LRMDA: variants seen among roughly 807,000 people sequenced by gnomAD.
LRMDA encodes the protein leucine-rich melanocyte differentiation-associated protein.
In LRMDA, 18 loss-of-function variants were observed where a neutral mutation model predicts 29.8. The observed-to-expected ratio is 0.60, with a 90% CI of 0.42 to 0.90. The LOEUF (loss-of-function observed/expected upper bound fraction) is 0.90, where lower values mean the gene tolerates loss of function less well. Among genes scored for constraint, LRMDA ranks in the 40% least tolerant of loss-of-function variants. The pLI is 0.00. For synonymous variants in LRMDA, 125 were observed against 109.4 expected, an observed-to-expected ratio of 1.14 and a Z score of -0.89; for missense variants, 273 against 273.9, an observed-to-expected ratio of 1.00 and a Z score of 0.02.
At chr10:76,011,707 T>G (rs1176348573) in intron 2 of LRMDA, among the ~76,000 whole-genome samples, 1 of 152,234 alleles carries the variant, frequency 6.6e-6, no homozygotes, top group African/African-American at 2.4e-5. Context: ...ATTGAGATTT[T>G]AACACCATGT....
At chr10:76,366,567 G>A (rs1841393991) in intron 6 of LRMDA, among the ~76,000 whole-genome samples, 1 of 152,176 alleles carries the variant, frequency 6.6e-6, no homozygotes, top group South Asian at 2.1e-4. Flanking sequence ...TGCTGTTGGT[G>A]TATAGAAGAG....
intron 2 of LRMDA, among the ~76,000 whole-genome samples, chr10:76,032,303 C>G (rs1005682991): frequency 6.6e-6 from 1 of 152,208 alleles, no homozygotes; most frequent in Non-Finnish European, 1.5e-5. Context: ...CCCCCCCATG[C>G]CAGCCACTGG....
intron 2 of LRMDA, among the ~76,000 whole-genome samples, chr10:75,779,945 T>C (rs1184510950): frequency 6.6e-6 from 1 of 152,004 alleles, no homozygotes; most frequent in Non-Finnish European, 1.5e-5. Context: ...GGATTTAGAG[T>C]GGACCCTAGA....
chr10:75,765,800 C>G (rs867671212), intron 2 of LRMDA, among the ~76,000 whole-genome samples: 10 of 150,558 alleles, frequency 6.6e-5, no homozygotes, highest in Middle Eastern at 6.8e-3. Flanking sequence ...CCACTCTTCA[C>G]TTGTTCAGGA....
At chr10:75,489,611 C>G (rs921685506) in intron 2 of LRMDA, among the ~76,000 whole-genome samples, 5 of 152,190 alleles carry the variant, frequency 3.3e-5, no homozygotes, top group Non-Finnish European at 5.9e-5. Context: ...CTCATGAGCT[C>G]TTACCTTCTT....
chr10:76,512,558 C>T (rs547524775), intron 6 of LRMDA, among the ~76,000 whole-genome samples: 3 of 152,198 alleles, frequency 2.0e-5, no homozygotes, highest in East Asian at 3.9e-4. Flanking sequence ...CTTCCTTATA[C>T]AATATACAAA....
chr10:76,206,521 A>C (rs1851540210), intron 5 of LRMDA, among the ~76,000 whole-genome samples: 1 of 152,154 alleles, frequency 6.6e-6, no homozygotes, highest in South Asian at 2.1e-4. Context: ...CTGTGTCCTC[A>C]GCCCCTAACA....
intron 5 of LRMDA, among the ~76,000 whole-genome samples, chr10:76,060,364 T>A (rs1184157174): frequency 6.6e-6 from 1 of 152,168 alleles, no homozygotes; most frequent in African/African-American, 2.4e-5. Flanking sequence ...GATGGGGCAC[T>A]CAGTGCATGC....
chr10:75,834,927 C>T (rs566966172), intron 2 of LRMDA, among the ~76,000 whole-genome samples: 1 of 152,216 alleles, frequency 6.6e-6, no homozygotes, highest in African/African-American at 2.4e-5. Context: ...CCTGTTCAAG[C>T]CCATGTAAGC....
At chr10:75,499,498 T>C (rs538931057) in intron 2 of LRMDA, among the ~76,000 whole-genome samples, 15 of 152,302 alleles carry the variant, frequency 9.8e-5, no homozygotes, top group South Asian at 6.2e-4. Flanking sequence ...GAGATGATAA[T>C]AGCACTTTAC....
intron 5 of LRMDA, among the ~76,000 whole-genome samples, chr10:76,321,959 C>T (rs1840776962): frequency 6.6e-6 from 1 of 152,066 alleles, no homozygotes. Flanking sequence ...ACAACAACAA[C>T]ACATTTGCCA....
intron 2 of LRMDA, among the ~76,000 whole-genome samples, chr10:75,835,277 G>A (rs1221912416): frequency 6.6e-6 from 1 of 152,134 alleles, no homozygotes; most frequent in Non-Finnish European, 1.5e-5. Context: ...TCCTTGTCTT[G>A]TGGCCCCTTC....
At chr10:76,397,815 G>A (rs998557553) in intron 6 of LRMDA, among the ~76,000 whole-genome samples, 2 of 151,870 alleles carry the variant, frequency 1.3e-5, no homozygotes, top group Non-Finnish European at 2.9e-5. Flanking sequence ...GGAAATGCCT[G>A]AAGACTCACA....
chr10:75,948,752 G>A (rs905157916), intron 2 of LRMDA, among the ~76,000 whole-genome samples: 9 of 152,016 alleles, frequency 5.9e-5, no homozygotes, highest in African/African-American at 7.3e-5. Flanking sequence ...TGGATTTTCC[G>A]AGACAGTGCA....
intron 2 of LRMDA, among the ~76,000 whole-genome samples, chr10:75,992,364 A>G (rs1287409481): frequency 6.6e-6 from 1 of 152,184 alleles, no homozygotes; most frequent in South Asian, 2.1e-4. Flanking sequence ...GATGCTCCTG[A>G]CAGACAACAT....
intron 5 of LRMDA, among the ~76,000 whole-genome samples, chr10:76,062,133 G>C (rs936920833): frequency 1.3e-5 from 2 of 152,172 alleles, no homozygotes; most frequent in Non-Finnish European, 2.9e-5. Flanking sequence ...CTGCTGCTGT[G>C]CTGAGCACAC....
intron 5 of LRMDA, among the ~76,000 whole-genome samples, chr10:76,090,005 GAAGCGATTGACAC>G (rs1849204324): frequency 6.6e-6 from 1 of 152,206 alleles, no homozygotes; most frequent in Non-Finnish European, 1.5e-5. Context: ...CTCAGACAAA[GAAGCGATTGACAC>G]AGCTTTTCAA....
chr10:75,836,727 A>G (rs1355388803), intron 2 of LRMDA, among the ~76,000 whole-genome samples: 1 of 152,170 alleles, frequency 6.6e-6, no homozygotes, highest in African/African-American at 2.4e-5. Flanking sequence ...TCTGTCCTTC[A>G]AGGATCTGCT....
At chr10:76,170,323 A>T (rs12570567) in intron 5 of LRMDA, among the ~76,000 whole-genome samples, 1 of 152,134 alleles carries the variant, frequency 6.6e-6, no homozygotes, top group Admixed American at 6.5e-5. Context: ...AGATATAACC[A>T]TAGGTATATG....
Sources: allele counts gnomAD v4.1 joint callset (sites outside exome capture counted in the v4.1 genomes callset), GRCh38; gene constraint gnomAD v4.1.1; transcripts MANE v1.5; gene names NCBI Gene and HGNC (gene_info 2026-07-23, HGNC 2026-07-21).